The following ARHGAP39 variants were observed in gnomAD, a reference collection of about 807,000 sequenced individuals.
ARHGAP39 encodes rho GTPase-activating protein 39.
In ARHGAP39, 44 loss-of-function variants were observed where a neutral mutation model predicts 106.9. The observed-to-expected ratio is 0.41, with a 90% CI of 0.32 to 0.53. The LOEUF (loss-of-function observed/expected upper bound fraction) is 0.53. Among genes scored for constraint, ARHGAP39 ranks in the 20% least tolerant of loss-of-function variants. The pLI, the probability that ARHGAP39 is intolerant of heterozygous loss-of-function variation, is 0.21. For missense variants in ARHGAP39, 1,496 were observed against 1,577.3 expected (o/e 0.95, Z 0.87); for synonymous variants, 768 against 693.2 (o/e 1.11, Z -1.69).
intron 2 of ARHGAP39, among the ~76,000 whole-genome samples, chr8:144,600,917 C>G (rs1819878418): frequency 7.4e-6 from 1 of 135,042 alleles, no homozygotes; most frequent in African/African-American, 2.9e-5. Context: ...TGTGCAAGCT[C>G]ATGTACCTGT....
chr8:144,529,974 A>C lies in ARHGAP39; in HGVS notation c.*448T>G. 1 of 163,456 alleles carries C rather than the reference A, an allele frequency of 6.1e-6. No individual in the cohort carries two copies. The highest frequency in any genetic ancestry group is 6.2e-5 in the Admixed American group (1 of 16,016). 10.1% of individuals were successfully genotyped at this position (163,456 alleles called of 1,614,324 possible). A position where few individuals can be genotyped will look rare whatever the true frequency, so the allele number is the denominator to read the frequency against. Reference sequence around the variant, plus strand: ...GAGAGGAGGCGGGGACAGGTCGGGAAGCTCTCTCGGGGCTGGGAAGAGCTG... The same window carrying C: ...GAGAGGAGGCGGGGACAGGTCGGGACGCTCTCTCGGGGCTGGGAAGAGCTG... On this transcript the variant is annotated 3_prime_UTR_variant, in exon 12 of 12. Transcript: ENST00000377307.
At chr8:144,673,928 T>G (rs1162011482) in intron 1 of ARHGAP39, among the ~76,000 whole-genome samples, 1 of 152,214 alleles carries the variant, frequency 6.6e-6, no homozygotes. Context: ...CTTGACCAGA[T>G]GTACTGCATG....
chr8:144,601,744 CGT>C (rs369929238), intron 2 of ARHGAP39, among the ~76,000 whole-genome samples: 121 of 109,098 alleles, frequency 1.1e-3, no homozygotes, highest in East Asian at 1.8e-3. Flanking sequence ...TGCGTGGAGG[CGT>C]GTGTGCTCGT....
At position 144,530,378 on chromosome 8, in the gene ARHGAP39, G is replaced by C; in HGVS notation, c.*44C>G. 1.9e-6 allele frequency: 3 copies of C among 1,545,002 alleles called. No homozygotes were observed. The highest frequency in any genetic ancestry group is 2.6e-6 in the Non-Finnish European group (3 of 1,139,652). ...GGAGAGCGAGTGCGGAGTTCGGCCTGGCTGGGGGCGGCAGGACATCCCTCC... is the reference window on the plus strand; with the variant it reads ...GGAGAGCGAGTGCGGAGTTCGGCCTCGCTGGGGGCGGCAGGACATCCCTCC... On this transcript the variant is annotated 3_prime_UTR_variant, in exon 12 of 12. Transcript: ENST00000377307.
chr8:144,533,384 C>T lies in ARHGAP39; in HGVS notation c.2689-59G>A. On this transcript the variant is annotated intron_variant, in intron 8 of 11. Transcript: ENST00000377307. ...TGGCCATCCTCAGGACCCCCCGCCA[C>T]CCCGGTTGTCTTCTTTCCCCGAACA... 9.1e-6 allele frequency: 14 copies of T among 1,543,824 alleles called. No homozygotes were observed. The South Asian group carries it at 1.2e-4, about 14-fold the overall frequency.
At chr8:144,649,978 A>G (rs1343700014) in intron 1 of ARHGAP39, among the ~76,000 whole-genome samples, 4 of 151,946 alleles carry the variant, frequency 2.6e-5, no homozygotes, top group African/African-American at 9.7e-5. Flanking sequence ...CCCTGTTTCT[A>G]CTAAAAATAC....
chr8:144,608,982 T>C (rs375946476), intron 1 of ARHGAP39, among the ~76,000 whole-genome samples: 4 of 152,348 alleles, frequency 2.6e-5, no homozygotes, highest in South Asian at 2.1e-4. Flanking sequence ...TCTGCAGAGA[T>C]GATCATGTCA....
At chr8:144,691,095 C>T in the ARHGAP39 span, among the ~76,000 whole-genome samples, 28 of 152,286 alleles carry the variant, frequency 1.8e-4, no homozygotes, top group Non-Finnish European at 2.4e-4. Context: ...CTCTTCTCCC[C>T]GAGTCTCACC....
chr8:144,698,942 C>G, the ARHGAP39 span: 1 of 450,304 alleles, frequency 2.2e-6, no homozygotes, highest in Non-Finnish European at 4.5e-6. Flanking sequence ...CACACCATCC[C>G]ACGGCCTGCA....
intron 3 of ARHGAP39, among the ~76,000 whole-genome samples, chr8:144,578,156 G>A (rs1311833845): frequency 6.6e-6 from 1 of 152,206 alleles, no homozygotes; most frequent in Non-Finnish European, 1.5e-5. Flanking sequence ...TCAAAACAAT[G>A]TGGTACTGGG....
intron 1 of ARHGAP39, among the ~76,000 whole-genome samples, chr8:144,681,444 G>A (rs1436372353): frequency 1.3e-5 from 2 of 152,160 alleles, no homozygotes; most frequent in East Asian, 1.9e-4. Context: ...ACTGTGAGAC[G>A]GATCGCATAA....
chr8:144,542,580 T>TTTCTC (rs1465065210), intron 6 of ARHGAP39, among the ~76,000 whole-genome samples: 3 of 152,184 alleles, frequency 2.0e-5, no homozygotes, highest in African/African-American at 7.2e-5. Context: ...CTTTCTTTCC[T>TTTCTC]TTCTCTTCTC....
At position 144,530,250 on chromosome 8, in the gene ARHGAP39, C is replaced by A. The variant is rs946965032; in HGVS notation, c.*172G>T. 4 of 719,470 alleles carry A rather than the reference C, an allele frequency of 5.6e-6. No individual in the cohort carries two copies. The Admixed American group carries it at 1.2e-4, about 21-fold the overall frequency. The allele number at this position is 719,470 out of a possible 1,614,324, so 44.6% of individuals were successfully genotyped here. On this transcript the variant is annotated 3_prime_UTR_variant, in exon 12 of 12. Coordinates refer to ENST00000377307, the MANE Select transcript of ARHGAP39 (RefSeq NM_025251.3). ...CCCCGCCGCTGCTGTGCCCTGGCTG[C>A]ACCCTCAGACCAGGCAGAAGACGTG...
intron 1 of ARHGAP39, among the ~76,000 whole-genome samples, chr8:144,662,147 C>A (rs903780731): frequency 6.6e-6 from 1 of 151,150 alleles, no homozygotes; most frequent in Non-Finnish European, 1.5e-5. Context: ...CATTTTCCAC[C>A]CTGGGTCACT....
chr8:144,620,211 G>A (rs865893656), intron 1 of ARHGAP39, among the ~76,000 whole-genome samples: 1 of 148,848 alleles, frequency 6.7e-6, no homozygotes, highest in South Asian at 2.2e-4. Flanking sequence ...GTGTGAGCCT[G>A]TGTCCCTGAG....
chr8:144,555,198 C>A (rs1416981380), intron 4 of ARHGAP39, among the ~76,000 whole-genome samples: 1 of 152,270 alleles, frequency 6.6e-6, no homozygotes, highest in Non-Finnish European at 1.5e-5. Flanking sequence ...GTGATTAGCG[C>A]CAACCTTCCA....
intron 4 of ARHGAP39, among the ~76,000 whole-genome samples, chr8:144,554,095 A>T (rs1464880885): frequency 6.6e-6 from 1 of 152,232 alleles, no homozygotes; most frequent in Admixed American, 6.5e-5. Flanking sequence ...GAGGGGCCAA[A>T]GGCACAACAG....
chr8:144,656,629 A>G (rs1222385240), intron 1 of ARHGAP39, among the ~76,000 whole-genome samples: 1 of 152,030 alleles, frequency 6.6e-6, no homozygotes, highest in Non-Finnish European at 1.5e-5. Context: ...CAACATGGCA[A>G]AACCCTGTCT....
At chr8:144,658,549 A>G (rs574567543) in intron 1 of ARHGAP39, among the ~76,000 whole-genome samples, 18 of 152,304 alleles carry the variant, frequency 1.2e-4, no homozygotes, top group Admixed American at 5.9e-4. Flanking sequence ...TGCTGGGATT[A>G]TAGGTGTGAG....
Sources: allele counts gnomAD v4.1 joint callset (sites outside exome capture counted in the v4.1 genomes callset), GRCh38; gene constraint gnomAD v4.1.1; transcripts MANE v1.5; gene names NCBI Gene and HGNC (gene_info 2026-07-23, HGNC 2026-07-21).